The following NDUFAF6 variants were observed in gnomAD, a reference collection of about 807,000 sequenced individuals.
NDUFAF6 encodes NADH:ubiquinone oxidoreductase complex assembly factor 6, also known as NADH dehydrogenase (ubiquinone) complex I, assembly factor 6.
NDUFAF6 carries 45 observed loss-of-function variants against 40.8 expected under a neutral mutation model. That is an observed-to-expected ratio of 1.10 (90% confidence interval 0.87 to 1.42). The LOEUF is 1.42. Among genes scored for constraint, NDUFAF6 ranks in the 40% most tolerant of loss-of-function variants. The pLI is 0.00. For missense variants in NDUFAF6, 435 were observed against 418.5 expected (o/e 1.04, Z -0.34); for synonymous variants, 185 against 155.9 (o/e 1.19, Z -1.39).
In NDUFAF6 at chr8:95,058,325, C is replaced by G. The variant is rs543598656; in HGVS notation, c.*388C>G. On this transcript the variant is annotated 3_prime_UTR_variant, in exon 9 of 9. Coordinates refer to ENST00000396124, the MANE Select transcript of NDUFAF6 (RefSeq NM_152416.4). ...GGGCTCAAGTTATCATAGGGGCTTACATGCTGAGCAGCTATAACCTAGGTG... is the reference window on the plus strand; with the variant it reads ...GGGCTCAAGTTATCATAGGGGCTTAGATGCTGAGCAGCTATAACCTAGGTG... The G allele has an allele frequency of 1.1e-4, 135 of 1,262,446 alleles. 1 individual carries two copies. The South Asian group carries it at 4.1e-3, about 39-fold the overall frequency. 78.2% of individuals were successfully genotyped at this position (1,262,446 alleles called of 1,614,324 possible).
At chr8:94,947,962 G>C (rs1822162704) in intron 2 of NDUFAF6, among the ~76,000 whole-genome samples, 1 of 152,178 alleles carries the variant, frequency 6.6e-6, no homozygotes, top group African/African-American at 2.4e-5. Context: ...TCAATTACCA[G>C]GCTGGTGATT....
intron 2 of NDUFAF6, among the ~76,000 whole-genome samples, chr8:95,012,675 T>C (rs1827275548): frequency 2.1e-5 from 3 of 145,192 alleles, no homozygotes; most frequent in Admixed American, 6.8e-5. Context: ...AATAAACAAA[T>C]AAAAATTAGC....
intron 1 of NDUFAF6, chr8:94,929,427 AAAAAG>A (rs1286652018): frequency 6.6e-6 from 1 of 152,124 alleles, no homozygotes. Flanking sequence ...TTAAAAAAAA[AAAAAG>A]AAAAAAGTTG....
Position 94,922,620 on chromosome 8 carries a change from A to G in NDUFAF6, c.-935-22863A>G, listed in dbSNP as rs567655624. Among the ~76,000 whole-genome samples the G allele has an allele frequency of 5.9e-5, 9 of 151,960 alleles. No individual in the cohort carries two copies. In the East Asian group the frequency reaches 1.6e-3, roughly 26 times the overall value. ...CAGCCTCCTGAGTAGCTGGGATTAC[A>G]GGTGCCCGGCACCACACCCAACTAA... On this transcript the variant is annotated intron_variant, in intron 1 of 14. Coordinates refer to the NDUFAF6 transcript ENST00000396113.
rs142108287 is a variant in NDUFAF6, at chr8:94,925,697, G to A, written c.-935-19786G>A. ...TGAAACTACAAGTGCACACCACCAC[G>A]CTCAGCTTATTTTCATATTTTTAGT... is the stretch of plus-strand genomic sequence containing the variant. On this transcript the variant is annotated intron_variant, in intron 1 of 14. Coordinates refer to the NDUFAF6 transcript ENST00000396113. 2.7e-3 allele frequency among the ~76,000 whole-genome samples: 414 copies of A among 151,952 alleles called. 4 individuals are homozygous for A. The highest frequency in any genetic ancestry group is 9.4e-3 in the African/African-American group (388 of 41,430).
At chr8:95,076,868 C>T (rs1308658328), downstream of NDUFAF6, among the ~76,000 whole-genome samples, 7 of 76,270 alleles carry the variant, frequency 9.2e-5, no homozygotes, top group East Asian at 1.4e-3. Context: ...AGCGAAACTC[C>T]GTCTCAAAAA....
intron 2 of NDUFAF6, among the ~76,000 whole-genome samples, chr8:95,015,401 G>A (rs1372160181): frequency 1.3e-5 from 2 of 152,126 alleles, no homozygotes; most frequent in Non-Finnish European, 2.9e-5. Context: ...TGGGCTTCTG[G>A]CTTCATGGAA....
chr8:94,946,707 A>AAAAAAAAAAAAAAAAAAAC (rs1822041499), intron 2 of NDUFAF6, among the ~76,000 whole-genome samples: 1 of 147,304 alleles, frequency 6.8e-6, no homozygotes, highest in Admixed American at 6.8e-5. Flanking sequence ...AAAAAAAAAA[A>AAAAAAAAAAAAAAAAAAAC]AAAAAAAAAA....
rs1282898277 is a variant in NDUFAF6, at chr8:94,930,656, A to C, written c.-935-14827A>C. Reference sequence around the variant, plus strand: ...GGCGAAAGCTCTTGGGTTGTTCCAGAAAAGTTGTATGAGCAGCAAGAGCTG... The same window carrying C: ...GGCGAAAGCTCTTGGGTTGTTCCAGCAAAGTTGTATGAGCAGCAAGAGCTG... On this transcript the variant is annotated intron_variant, in intron 1 of 14. Transcript: ENST00000396113. 2.5e-6 allele frequency: 4 copies of C among 1,614,136 alleles called. No individual in the cohort carries two copies. In the African/African-American group the frequency reaches 5.3e-5, roughly 22 times the overall value.
chr8:94,932,163 G>A (rs1371242092), intron 1 of NDUFAF6: 1 of 1,560,178 alleles, frequency 6.4e-7, no homozygotes, highest in Non-Finnish European at 8.7e-7. Flanking sequence ...AAATGCTATT[G>A]TAACTTTACT....
At chr8:94,925,600 C>T (rs1819820812) in intron 1 of NDUFAF6, among the ~76,000 whole-genome samples, 1 of 146,114 alleles carries the variant, frequency 6.8e-6, no homozygotes, top group Admixed American at 6.9e-5. Context: ...GCCCAGGCTG[C>T]GCAGTCTCAG....
At chr8:95,110,061 C>T (rs922869585) in intron 4 of NDUFAF6, among the ~76,000 whole-genome samples, 1 of 152,300 alleles carries the variant, frequency 6.6e-6, no homozygotes, top group South Asian at 2.1e-4. Context: ...TATCTGTGGA[C>T]CTGTGGCAGT....
rs192022770 is a variant in NDUFAF6 at position 94,900,636 on chromosome 8, G to C, written c.-936+4709G>C. ...GAAGCTCTGGGAGGTTGGAGTAGGC[G>C]GGAGGGCACAGAGTGCTCTGGGCGG... On this transcript the variant is annotated intron_variant, in intron 1 of 14. Transcript: ENST00000396113. Among the ~76,000 whole-genome samples, 13 of 152,338 alleles carry C rather than the reference G, an allele frequency of 8.5e-5. No homozygotes were observed. In the South Asian group the frequency reaches 2.1e-3, roughly 24 times the overall value.
chr8:95,039,451 CAA>C (rs761836243), intron 3 of NDUFAF6, among the ~76,000 whole-genome samples: 9 of 137,454 alleles, frequency 6.5e-5, no homozygotes, highest in Admixed American at 1.4e-4. Context: ...GACTCTGTCT[CAA>C]AAAAAAAAAA....
At chr8:94,969,753 A>G (rs536388122) in intron 1 of NDUFAF6, among the ~76,000 whole-genome samples, 4 of 152,236 alleles carry the variant, frequency 2.6e-5, no homozygotes, top group Non-Finnish European at 5.9e-5. Context: ...CCCAGAACAC[A>G]GAAAGAGGTA....
intron 2 of NDUFAF6, among the ~76,000 whole-genome samples, chr8:94,951,924 G>A (rs1393425694): frequency 6.6e-6 from 1 of 152,222 alleles, no homozygotes; most frequent in African/African-American, 2.4e-5. Context: ...ATGCAAGCAA[G>A]CTTTTCATCT....
At chr8:95,008,690 G>A (rs1420086954) in intron 2 of NDUFAF6, among the ~76,000 whole-genome samples, 4 of 152,022 alleles carry the variant, frequency 2.6e-5, no homozygotes, top group Non-Finnish European at 5.9e-5. Context: ...TGTATTTTTA[G>A]TAGAGACAGG....
chr8:95,101,773 A>C (rs1809658310), intron 2 of NDUFAF6, among the ~76,000 whole-genome samples: 1 of 152,070 alleles, frequency 6.6e-6, no homozygotes, highest in African/African-American at 2.4e-5. Context: ...AATTTAACAG[A>C]GGCAGAAAAC....
intron 2 of NDUFAF6, among the ~76,000 whole-genome samples, chr8:94,999,151 G>A (rs1288737392): frequency 6.9e-6 from 1 of 144,656 alleles, no homozygotes; most frequent in Non-Finnish European, 1.5e-5. Context: ...TGAAGACAGA[G>A]TCTCACTCTG....
Sources: allele counts gnomAD v4.1 joint callset (sites outside exome capture counted in the v4.1 genomes callset), GRCh38; gene constraint gnomAD v4.1.1; transcripts MANE v1.5; gene names NCBI Gene and HGNC (gene_info 2026-07-23, HGNC 2026-07-21).